The following CREB5 variants were observed in gnomAD, a reference collection of about 807,000 sequenced individuals.
The protein encoded by CREB5 is cyclic AMP-responsive element-binding protein 5.
Under a neutral mutation model 57.1 loss-of-function variants are expected in CREB5, and 19 were observed. That is an observed-to-expected ratio of 0.33 (90% CI 0.23 to 0.49). CREB5 has a LOEUF of 0.49. CREB5 is among the 20% of genes least tolerant of loss of function. CREB5 has a pLI of 0.99. For synonymous variants in CREB5, 238 were observed against 238.3 expected (o/e 1.00, Z 0.01); for missense variants, 579 against 671.6 (o/e 0.86, Z 1.52).
In CREB5 at chr7:28,820,694, TC is replaced by T. The variant is rs34916385; in HGVS notation, c.*1417del. 0.28 allele frequency: 43,157 copies of T among 152,096 alleles called. 7,546 individuals carry two copies. Among genetic ancestry groups the T allele is most frequent in the Middle Eastern group, 0.4 (119 of 294 alleles). The allele number at this position is 152,096 out of a possible 1,614,324, so 9.4% of individuals were successfully genotyped here. A position where few individuals can be genotyped will look rare whatever the true frequency, so the allele number is the denominator to read the frequency against. ...ATCATGGATCACTGCAGCAGCATCCTCCGAGTTCAAGCTATCCTTCCACCTC... is the reference window on the plus strand; with the variant it reads ...ATCATGGATCACTGCAGCAGCATCCTCGAGTTCAAGCTATCCTTCCACCTC... On this transcript the variant is annotated 3_prime_UTR_variant, in exon 11 of 11. Coordinates refer to ENST00000357727, the MANE Select transcript of CREB5 (RefSeq NM_182898.4).
intron 1 of CREB5, among the ~76,000 whole-genome samples, chr7:28,349,273 C>T (rs370838406): frequency 7.2e-5 from 11 of 152,148 alleles, no homozygotes; most frequent in East Asian, 1.9e-4. Flanking sequence ...AGTGCACCAA[C>T]GATATTTTCC....
At chr7:28,444,097 TG>T (rs1268984862) in intron 1 of CREB5, among the ~76,000 whole-genome samples, 1 of 152,242 alleles carries the variant, frequency 6.6e-6, no homozygotes, top group African/African-American at 2.4e-5. Flanking sequence ...TCCTTTTCCC[TG>T]TTGCCCCTCC....
intron 3 of CREB5, among the ~76,000 whole-genome samples, chr7:28,500,093 G>A (rs78255778): frequency 0.011 from 1,720 of 152,324 alleles, 20 homozygotes; most frequent in African/African-American, 0.038. Context: ...TAATTGCTGC[G>A]TTGAACAAGA....
Position 28,804,466 on chromosome 7 carries a change from C to G in CREB5, c.970C>G (p.Pro324Ala), listed in dbSNP as rs763747825. The change falls in exon 8 of 11, where the codon CCA (proline) becomes GCA (alanine). Residue 324 changes from proline (P) to alanine (A), a missense_variant. This residue lies in a region of CREB5 where 459 missense variants were observed against 515.7 expected (regional missense o/e 0.89). Transcript: ENST00000357727. ...HHSHSHLHAH[P>A]AHHQTSPHPP... Reference sequence around the variant, plus strand: ...CTCCCATTCCCACCTTCATGCACACCCAGCACATCACCAGACCTCGCCACA... The same window carrying G: ...CTCCCATTCCCACCTTCATGCACACGCAGCACATCACCAGACCTCGCCACA... 4 of 1,613,986 alleles carry G rather than the reference C, an allele frequency of 2.5e-6. No homozygotes were observed. Among genetic ancestry groups the G allele is most frequent in the Non-Finnish European group, 3.4e-6 (4 of 1,180,028 alleles).
chr7:28,455,045 G>A (rs6462086), intron 1 of CREB5, among the ~76,000 whole-genome samples: 2 of 152,050 alleles, frequency 1.3e-5, no homozygotes, highest in African/African-American at 2.4e-5. Flanking sequence ...CTTCTGTTCT[G>A]TTTATCAAAT....
At chr7:28,712,518 A>G (rs1213037003) in intron 5 of CREB5, among the ~76,000 whole-genome samples, 4 of 149,154 alleles carry the variant, frequency 2.7e-5, no homozygotes, top group Middle Eastern at 3.5e-3. Context: ...AAAAAAAAAA[A>G]GAGAATTTAT....
At chr7:28,594,870 C>T (rs1480795601) in intron 5 of CREB5, among the ~76,000 whole-genome samples, 1 of 152,076 alleles carries the variant, frequency 6.6e-6, no homozygotes, top group Non-Finnish European at 1.5e-5. Context: ...CTTCCTCCTC[C>T]TTCTGTTTTC....
intron 1 of CREB5, among the ~76,000 whole-genome samples, chr7:28,357,022 A>G (rs980501478): frequency 4.6e-5 from 7 of 152,164 alleles, no homozygotes; most frequent in Non-Finnish European, 1.0e-4. Context: ...TAATAAGACA[A>G]AAATGCCAAG....
intron 1 of CREB5, among the ~76,000 whole-genome samples, chr7:28,465,172 A>G (rs1790513140): frequency 6.6e-6 from 1 of 152,110 alleles, no homozygotes; most frequent in Non-Finnish European, 1.5e-5. Flanking sequence ...GGACCATGAG[A>G]CTCTAGTAGG....
rs983478114 is a variant in CREB5, at chr7:28,823,800, T to C, written c.*4521T>C. ...GTGCTTTTTGTCCCTTCCCGAACAA[T>C]ATGCAGTAGCTTTAAGCCATTCAAG... On this transcript the variant is annotated 3_prime_UTR_variant, in exon 11 of 11. Transcript: ENST00000357727. The C allele has an allele frequency of 3.3e-5, 5 of 152,554 alleles. No homozygotes were observed. Among genetic ancestry groups the C allele is most frequent in the African/African-American group, 7.2e-5 (3 of 41,412 alleles). The allele number at this position is 152,554 out of a possible 1,614,324, so 9.5% of individuals were successfully genotyped here.
At chr7:28,737,348 T>G (rs1448182261) in intron 7 of CREB5, among the ~76,000 whole-genome samples, 5 of 151,442 alleles carry the variant, frequency 3.3e-5, no homozygotes, top group Non-Finnish European at 4.4e-5. Flanking sequence ...AAACAAGGAA[T>G]CAGACTGCCT....
intron 4 of CREB5, among the ~76,000 whole-genome samples, chr7:28,524,662 G>A (rs555169763): frequency 9.2e-5 from 14 of 152,172 alleles, no homozygotes; most frequent in Middle Eastern, 3.4e-3. Context: ...TCATTCAACC[G>A]TTTTTGTGAG....
chr7:28,334,647 T>A (rs1193663780), intron 1 of CREB5, among the ~76,000 whole-genome samples: 2 of 152,180 alleles, frequency 1.3e-5, no homozygotes, highest in Non-Finnish European at 2.9e-5. Flanking sequence ...ATTCTGTGGG[T>A]TGTCTCTTCA....
chr7:28,436,566 T>C (rs1300257648), intron 1 of CREB5, among the ~76,000 whole-genome samples: 1 of 152,188 alleles, frequency 6.6e-6, no homozygotes, highest in Non-Finnish European at 1.5e-5. Flanking sequence ...TGAATTATAC[T>C]ACCTTAACTA....
chr7:28,726,840 T>G (rs1019306429), intron 7 of CREB5: 2 of 152,188 alleles, frequency 1.3e-5, no homozygotes, highest in African/African-American at 4.8e-5. Context: ...GAGTGTCCAT[T>G]TCAAGCTCCC....
At chr7:28,561,011 TGTGTGCGTGTGTGC>T (rs1303838308) in intron 4 of CREB5, among the ~76,000 whole-genome samples, 71 of 48,056 alleles carry the variant, frequency 1.5e-3, no homozygotes, top group African/African-American at 7.3e-3. Context: ...TGTGCGTGTG[TGTGTGCGTGTGTGC>T]GTGTGTGTGT....
At chr7:28,602,999 T>G (rs1321309074) in intron 5 of CREB5, among the ~76,000 whole-genome samples, 2 of 152,216 alleles carry the variant, frequency 1.3e-5, no homozygotes, top group African/African-American at 4.8e-5. Flanking sequence ...CCTTGTACAC[T>G]TTTTTGCAGC....
intron 5 of CREB5, among the ~76,000 whole-genome samples, chr7:28,695,070 T>A (rs1243218703): frequency 6.6e-6 from 1 of 151,920 alleles, no homozygotes. Flanking sequence ...ACAAAAAAAA[T>A]TAAAAAATTA....
chr7:28,409,874 G>A (rs890842956), upstream of CREB5: 1 of 455,012 alleles, frequency 2.2e-6, no homozygotes, highest in African/African-American at 2.0e-5. The surrounding 1 kb of genome is among the most constrained non-coding windows in gnomAD (Gnocchi z 4.4). Flanking sequence ...GTTATGAATC[G>A]GGGGTGTGTG....
Sources: allele counts gnomAD v4.1 joint callset (sites outside exome capture counted in the v4.1 genomes callset), GRCh38; gene constraint gnomAD v4.1.1; regional missense constraint gnomAD v4.1.1; non-coding constraint Gnocchi (gnomAD v3.1); transcripts MANE v1.5; gene names NCBI Gene and HGNC (gene_info 2026-07-23, HGNC 2026-07-21).